The following MED1 variants were observed in gnomAD, a reference collection of about 807,000 sequenced individuals.
MED1 encodes the protein mediator complex subunit 1, also known as mediator of RNA polymerase II transcription subunit 1.
MED1 carries 17 observed loss-of-function variants against 121.3 expected under a neutral mutation model. The observed-to-expected ratio is 0.14, with a 90% CI of 0.10 to 0.21. The LOEUF (loss-of-function observed/expected upper bound fraction) is 0.21. Among genes scored for constraint, MED1 ranks in the 10% least tolerant of loss-of-function variants. The pLI, the probability that MED1 is intolerant of heterozygous loss-of-function variation, is 1.00. For synonymous variants in MED1, 661 were observed against 694.4 expected (o/e 0.95, Z 0.76); for missense variants, 1,558 against 1,919.4 (o/e 0.81, Z 3.52).
At chr17:39,431,308 G>T (rs1025586485) in intron 8 of MED1, 120 bp from the exon 9 acceptor site, 1 of 771,558 alleles carries the variant, frequency 1.3e-6, no homozygotes, top group Non-Finnish European at 2.1e-6. Context: ...ACGGAGTTTC[G>T]CTCTTGTCGC....
intron 9 of MED1, among the ~76,000 whole-genome samples, chr17:39,429,650 C>T (rs1418395476): frequency 5.0e-5 from 7 of 140,888 alleles, no homozygotes; most frequent in South Asian, 4.7e-4. Context: ...GAGCCAAGAT[C>T]GCGCCACTGC....
At chr17:39,436,254 G>C (rs1007191623) in intron 6 of MED1, among the ~76,000 whole-genome samples, 5 of 151,330 alleles carry the variant, frequency 3.3e-5, no homozygotes, top group Non-Finnish European at 5.9e-5. Flanking sequence ...CCAGCTACTC[G>C]GGAGGCTGAG....
intron 14 of MED1, among the ~76,000 whole-genome samples, chr17:39,416,415 A>G (rs568319175): frequency 1.3e-5 from 2 of 152,320 alleles, no homozygotes; most frequent in Non-Finnish European, 2.9e-5. Context: ...TATTCCACAT[A>G]TATCTAGCCA....
At position 39,447,742 on chromosome 17, in the gene MED1, G is replaced by A. The variant is rs7218668; in HGVS notation, c.132+56C>T. 50 of 1,242,756 alleles carry A rather than the reference G, an allele frequency of 4.0e-5. No homozygotes were observed. In the East Asian group the frequency reaches 7.7e-4, roughly 19 times the overall value. 77.0% of individuals were successfully genotyped at this position (1,242,756 alleles called of 1,614,324 possible). ...AACACATCTACATGGGGAGCTTAGC[G>A]TATTAAGAATAATTATCTAAGCAAA... On this transcript the variant is annotated intron_variant, in intron 2 of 16. Transcript: ENST00000300651.
intron 6 of MED1, among the ~76,000 whole-genome samples, chr17:39,438,114 G>C (rs1244023848): frequency 2.6e-5 from 4 of 151,118 alleles, no homozygotes; most frequent in African/African-American, 9.7e-5. Flanking sequence ...CAGCACTTTG[G>C]GAGATGTGAG....
chr17:39,418,960 G>C (rs763744663), intron 14 of MED1, among the ~76,000 whole-genome samples: 3 of 151,580 alleles, frequency 2.0e-5, no homozygotes, highest in Non-Finnish European at 4.4e-5. Context: ...GCTAATTTTT[G>C]TATTTTTAGT....
intron 13 of MED1, among the ~76,000 whole-genome samples, chr17:39,420,361 G>T (rs894000936): frequency 2.6e-5 from 4 of 151,366 alleles, no homozygotes; most frequent in Admixed American, 6.6e-5. Context: ...CACCACGCCC[G>T]GCTAATTTTT....
At chr17:39,441,585 C>T (rs868499663) in intron 3 of MED1, among the ~76,000 whole-genome samples, 6 of 152,238 alleles carry the variant, frequency 3.9e-5, no homozygotes, top group Non-Finnish European at 8.8e-5. Context: ...GCCTGACCAA[C>T]GTGGTGAAAC....
In MED1 at chr17:39,431,160, T is replaced by C. The variant is rs148297423; in HGVS notation, c.604A>G (p.Lys202Glu). 6.2e-7 allele frequency: 1 copy of C among 1,613,656 alleles called. No individual in the cohort carries two copies. The highest frequency in any genetic ancestry group is 8.5e-7 in the Non-Finnish European group (1 of 1,179,560). ...TAGCCAACACTTCCATGAAGAATCTTATCCAAGGGACCAGCATTAGTTGCT... is the reference window on the plus strand; with the variant it reads ...TAGCCAACACTTCCATGAAGAATCTCATCCAAGGGACCAGCATTAGTTGCT... ...WKATNAGPLDKILHGSVGYLT... is the reference protein window; with the variant it reads ...WKATNAGPLDEILHGSVGYLT... The change falls in exon 9 of 17, where the codon AAG becomes GAG. Residue 202 changes from lysine to glutamate, a missense_variant. Around this residue, in one of 5 missense-constraint regions of MED1, gnomAD observed 443 missense variants for 532.4 expected, o/e 0.83. Coordinates refer to ENST00000300651, the MANE Select transcript of MED1 (RefSeq NM_004774.4).
intron 1 of MED1, among the ~76,000 whole-genome samples, chr17:39,450,481 G>C (rs535770280): frequency 6.6e-6 from 1 of 152,308 alleles, no homozygotes; most frequent in South Asian, 2.1e-4. Flanking sequence ...TGCTAAGGCA[G>C]CATCTTAGCC....
chr17:39,439,971 AAAGAAAGAAAGAAAG>A (rs1567651904), intron 5 of MED1, among the ~76,000 whole-genome samples: 1 of 132,926 alleles, frequency 7.5e-6, no homozygotes, highest in Non-Finnish European at 1.6e-5. Context: ...AGAAGGAAAG[AAAGAAAGAAAGAAAG>A]AAGGAAGGAA....
Position 39,407,645 on chromosome 17 carries a change from G to A in MED1, c.4576C>T (p.His1526Tyr), listed in dbSNP as rs770801301. 2 of 1,614,138 alleles carry A rather than the reference G, an allele frequency of 1.2e-6. No homozygotes were observed. The highest frequency in any genetic ancestry group is 1.7e-6 in the Non-Finnish European group (2 of 1,180,020). ...RDKDRDKKKS[H>Y]SIKPESWSKS... is the part of the protein sequence containing the mutation. ...GACCAACTCTCTGGCTTGATGCTAT[G>A]AGATTTTTTCTTGTCTCGGTCTTTG... The change falls in exon 17 of 17, where the codon CAT becomes TAT. Residue 1526 changes from histidine (H) to tyrosine (Y), a missense_variant. By Grantham distance (83) the His-to-Tyr change is moderately conservative (BLOSUM62 2). This residue lies in a region of MED1 where 264 missense variants were observed against 326.1 expected (regional missense o/e 0.81). Transcript: ENST00000300651.
In MED1 at chr17:39,424,640, C is replaced by T. The variant is rs2048497337; in HGVS notation, c.838G>A (p.Val280Ile). 4.4e-6 allele frequency: 7 copies of T among 1,584,558 alleles called. No individual in the cohort carries two copies. The highest frequency in any genetic ancestry group is 1.4e-5 in the African/African-American group (1 of 73,842). The change falls in exon 11 of 17, where the codon GTT becomes ATT. Residue 280 changes from valine (V) to isoleucine (I), a missense_variant. Val to Ile is a conservative substitution (Grantham distance 29, BLOSUM62 3). Coordinates refer to ENST00000300651, the MANE Select transcript of MED1 (RefSeq NM_004774.4). ...IAPLIMGSHP[V>I]DNKWTPSFSS... ...TATTTAACTTACCATTTATTGTCAA[C>T]TGGATGTGACCCCATAATTAATGGT... is the stretch of plus-strand genomic sequence containing the variant.
chr17:39,431,882 C>T, intron 8 of MED1, 60 bp downstream of exon 8: 4 of 1,222,166 alleles, frequency 3.3e-6, no homozygotes, highest in Admixed American at 1.8e-5. Flanking sequence ...AAATAGGACC[C>T]TAATCTCCCC....
Position 39,410,475 on chromosome 17 carries a change from G to A in MED1, c.1746C>T (p.Ile582=), listed in dbSNP as rs2048346378. 7.4e-6 allele frequency: 12 copies of A among 1,613,952 alleles called. No homozygotes were observed. The highest frequency in any genetic ancestry group is 1.3e-5 in the African/African-American group (1 of 74,870). The stretch of plus-strand genomic sequence containing the variant: ...GGCCCACCGACTCATGCCGATCTTT[G>A]ATGCTCATGCTCATATTAAACAAGG... ...ITTLFNMSMS[I]KDRHESVGHG... Residue 582 remains isoleucine (I), a synonymous_variant, in exon 17 of 17, where the codon ATC becomes ATT. Transcript: ENST00000300651.
intron 7 of MED1, among the ~76,000 whole-genome samples, chr17:39,432,663 A>G (rs540450059): frequency 1.1e-4 from 16 of 151,984 alleles, no homozygotes; most frequent in Non-Finnish European, 1.5e-4. Context: ...CTAAGGCAAG[A>G]GAATTGCTTG....
chr17:39,436,431 C>T (rs1313274374), intron 6 of MED1, among the ~76,000 whole-genome samples: 2 of 149,222 alleles, frequency 1.3e-5, no homozygotes, highest in Non-Finnish European at 3.0e-5. Context: ...TCAATGTGAA[C>T]ACTCTAAGAC....
chr17:39,415,354 G>GAC lies in MED1; in HGVS notation c.1298-16_1298-15insGT. 1 of 1,594,062 alleles carries GAC rather than the reference G, an allele frequency of 6.3e-7. No homozygotes were observed. The highest frequency in any genetic ancestry group is 2.2e-5 in the East Asian group (1 of 44,732). ...CCCAGGAGAATCTAAAAGGCAAAGA[G>GAC]AAAGATCATAAAACAACCAAATATA... is the stretch of plus-strand genomic sequence containing the variant. On this transcript the variant is annotated splice_polypyrimidine_tract_variant and intron_variant, in intron 14 of 16. Coordinates refer to ENST00000300651, the MANE Select transcript of MED1 (RefSeq NM_004774.4).
At chr17:39,439,664 G>A (rs1233648095) in intron 5 of MED1, among the ~76,000 whole-genome samples, 1 of 152,048 alleles carries the variant, frequency 6.6e-6, no homozygotes, top group Non-Finnish European at 1.5e-5. Context: ...TCCTGCCGGT[G>A]CAGTGGCTTA....
Sources: allele counts gnomAD v4.1 joint callset (sites outside exome capture counted in the v4.1 genomes callset), GRCh38; gene constraint gnomAD v4.1.1; regional missense constraint gnomAD v4.1.1; transcripts MANE v1.5; gene names NCBI Gene and HGNC (gene_info 2026-07-23, HGNC 2026-07-21).